Variants in ADAMTS3 observed in about 807,000 individuals in gnomAD.
ADAMTS3 encodes the protein A disintegrin and metalloproteinase with thrombospondin motifs 3.
Under a neutral mutation model 129.0 loss-of-function variants are expected in ADAMTS3, and 73 were observed. The observed-to-expected ratio is 0.57, with a 90% CI of 0.47 to 0.69. The LOEUF (loss-of-function observed/expected upper bound fraction) is 0.69, where lower values mean the gene tolerates loss of function less well. Among genes scored for constraint, ADAMTS3 ranks in the 30% least tolerant of loss-of-function variants. ADAMTS3 has a pLI of 0.00. For missense variants in ADAMTS3, 1,457 were observed against 1,514.5 expected (o/e 0.96, Z 0.63); for synonymous variants, 477 against 510.8 (o/e 0.93, Z 0.89).
rs115825835 is a variant in ADAMTS3, at chr4:72,512,195, G to A, written c.504+36283C>T. On this transcript the variant is annotated intron_variant, in intron 3 of 21. Transcript: ENST00000286657. ...AAGTAGAAAGAATAAATAAGACCTG[G>A]TTGGGTGCACTGGCTCACACTTGTA... is the stretch of plus-strand genomic sequence containing the variant. 2.2e-3 allele frequency among the ~76,000 whole-genome samples: 337 copies of A among 152,256 alleles called. 2 individuals carry two copies. Among genetic ancestry groups the A allele is most frequent in the African/African-American group, 8.0e-3 (331 of 41,548 alleles).
intron 5 of ADAMTS3, among the ~76,000 whole-genome samples, chr4:72,332,627 G>C (rs1719880166): frequency 6.6e-6 from 1 of 152,104 alleles, no homozygotes; most frequent in Non-Finnish European, 1.5e-5. Flanking sequence ...AGGCACATTA[G>C]ACCCAGAAGA....
intron 2 of ADAMTS3, among the ~76,000 whole-genome samples, chr4:72,558,747 G>A (rs79523360): frequency 0.019 from 2,916 of 151,638 alleles, 46 homozygotes; most frequent in Middle Eastern, 0.044. Context: ...ACTGCACACC[G>A]ATTTCCCTTC....
Position 72,288,923 on chromosome 4 carries a change from T to TACACACACACAC in ADAMTS3, c.2932-67_2932-56dup, listed in dbSNP as rs33967517. The TACACACACACAC allele has an allele frequency of 4.2e-3, 1,891 of 452,606 alleles. 12 individuals carry two copies. Among genetic ancestry groups the TACACACACACAC allele is most frequent in the South Asian group, 6.2e-3 (236 of 38,070 alleles). The allele number at this position is 452,606 out of a possible 1,614,324, so 28.0% of individuals were successfully genotyped here. ...ATTTATTGCACCAAGACCATGCACA[T>TACACACACACAC]ACACACACACACACACACACACACA... On this transcript the variant is annotated intron_variant, in intron 20 of 21. Transcript: ENST00000286657.
intron 3 of ADAMTS3, among the ~76,000 whole-genome samples, chr4:72,422,630 C>T (rs1229309164): frequency 6.6e-6 from 1 of 152,156 alleles, no homozygotes; most frequent in Non-Finnish European, 1.5e-5. Flanking sequence ...TCAACTCAAA[C>T]ACTGCCAAGA....
At position 72,548,671 on chromosome 4, in the gene ADAMTS3, G is replaced by T. The variant is rs1321661744; in HGVS notation, c.311C>A (p.Pro104His). The change falls in exon 3 of 22, where the codon CCT (proline) becomes CAT (histidine). Residue 104 changes from proline to histidine, a missense_variant. Coordinates refer to ENST00000286657, the MANE Select transcript of ADAMTS3 (RefSeq NM_014243.3). ...RLKPNTQLVA[P>H]GAVVEWHETS... ...CTCATGCCACTCCACAACAGCCCCA[G>T]GAGCTACTAGTTGAGTGTTGGGCTT... is the stretch of plus-strand genomic sequence containing the variant. 6.2e-7 allele frequency: 1 copy of T among 1,613,992 alleles called. No homozygotes were observed. Among genetic ancestry groups the T allele is most frequent in the Admixed American group, 1.7e-5 (1 of 59,976 alleles).
At chr4:72,496,405 G>A (rs1719874039) in intron 3 of ADAMTS3, among the ~76,000 whole-genome samples, 1 of 152,160 alleles carries the variant, frequency 6.6e-6, no homozygotes, top group African/African-American at 2.4e-5. Flanking sequence ...ATGGCATTCA[G>A]ATCTCACCTT....
At chr4:72,378,512 A>G (rs1721192935) in intron 4 of ADAMTS3, among the ~76,000 whole-genome samples, 1 of 152,152 alleles carries the variant, frequency 6.6e-6, no homozygotes, top group Non-Finnish European at 1.5e-5. Flanking sequence ...ACATGAAACC[A>G]TCTTAGATAG....
intron 3 of ADAMTS3, among the ~76,000 whole-genome samples, chr4:72,536,221 T>C (rs1233865807): frequency 1.3e-5 from 2 of 152,144 alleles, no homozygotes; most frequent in Non-Finnish European, 2.9e-5. Flanking sequence ...TATATATAAA[T>C]AAGATGGAAA....
At chr4:72,430,845 A>T (rs1007664849) in intron 3 of ADAMTS3, among the ~76,000 whole-genome samples, 6 of 151,690 alleles carry the variant, frequency 4.0e-5, no homozygotes, top group African/African-American at 1.2e-4. Context: ...AAAAAACTCA[A>T]GGAAAAAGTC....
chr4:72,312,407 G>A lies in ADAMTS3; in HGVS notation c.1805C>T (p.Thr602Ile). 1 of 1,613,668 alleles carries A rather than the reference G, an allele frequency of 6.2e-7. No homozygotes were observed. Residue 602 changes from threonine (T) to isoleucine (I), a missense_variant, in exon 13 of 22, where the codon ACA (threonine) becomes ATA (isoleucine). Coordinates refer to ENST00000286657, the MANE Select transcript of ADAMTS3 (RefSeq NM_014243.3). ...GVNFEYQLCN[T>I]EECQKHFEDF... ...CTCAAAGTGTTTTTGGCATTCTTCTGTGTTACAAAGCTGGTACTCAAAATT... is the reference window on the plus strand; with the variant it reads ...CTCAAAGTGTTTTTGGCATTCTTCTATGTTACAAAGCTGGTACTCAAAATT...
chr4:72,311,981 A>G (rs1014494877), intron 13 of ADAMTS3: 3 of 279,492 alleles, frequency 1.1e-5, no homozygotes, highest in African/African-American at 2.1e-5. Flanking sequence ...ATATTCCAGA[A>G]GTATTTCCTA....
chr4:72,533,674 T>TATGTATATATACATATATATAG (rs1721110912), intron 3 of ADAMTS3, among the ~76,000 whole-genome samples: 1 of 150,280 alleles, frequency 6.7e-6, no homozygotes. Flanking sequence ...TATATGCACA[T>TATGTATATATACATATATATAG]ATATGCACAC....
chr4:72,545,421 C>G (rs984485385), intron 3 of ADAMTS3, among the ~76,000 whole-genome samples: 15 of 152,136 alleles, frequency 9.9e-5, no homozygotes, highest in African/African-American at 3.1e-4. Context: ...ACTGCTTGAC[C>G]AAACCTCAGG....
intron 4 of ADAMTS3, among the ~76,000 whole-genome samples, chr4:72,402,584 T>C (rs1721950799): frequency 6.6e-6 from 1 of 152,096 alleles, no homozygotes; most frequent in Non-Finnish European, 1.5e-5. Flanking sequence ...CTTTCTGTAA[T>C]ATAGGAAATA....
chr4:72,321,625 A>C (rs1719557658), intron 6 of ADAMTS3, among the ~76,000 whole-genome samples: 1 of 152,186 alleles, frequency 6.6e-6, no homozygotes, highest in Non-Finnish European at 1.5e-5. Flanking sequence ...TGAAGGTATA[A>C]AATCTTAGTT....
chr4:72,523,089 C>A (rs771917778), intron 3 of ADAMTS3, among the ~76,000 whole-genome samples: 1 of 151,670 alleles, frequency 6.6e-6, no homozygotes, highest in Non-Finnish European at 1.5e-5. Flanking sequence ...AGATATTACC[C>A]AATAATTTCT....
chr4:72,391,495 C>T (rs992418644), intron 4 of ADAMTS3, among the ~76,000 whole-genome samples: 7 of 152,114 alleles, frequency 4.6e-5, no homozygotes, highest in Non-Finnish European at 1.0e-4. Flanking sequence ...AAGTGAAAGC[C>T]CTTGTGAGTC....
At chr4:72,283,839 C>T in intron 21 of ADAMTS3, 135 bp from the exon 22 acceptor site, 1 of 652,024 alleles carries the variant, frequency 1.5e-6, no homozygotes, top group Admixed American at 3.4e-5. Context: ...TCCACACGAG[C>T]TTTTGCATTA....
chr4:72,408,321 G>T (rs1169366036), intron 4 of ADAMTS3, among the ~76,000 whole-genome samples: 1 of 151,966 alleles, frequency 6.6e-6, no homozygotes, highest in Non-Finnish European at 1.5e-5. Flanking sequence ...AAGACAGAGG[G>T]TAGTGAGAAT....
Sources: allele counts gnomAD v4.1 joint callset (sites outside exome capture counted in the v4.1 genomes callset), GRCh38; gene constraint gnomAD v4.1.1; transcripts MANE v1.5; gene names NCBI Gene and HGNC (gene_info 2026-07-23, HGNC 2026-07-21).